The following MAP3K9 variants were observed in gnomAD, a reference collection of about 807,000 sequenced individuals.
MAP3K9 encodes the protein mitogen-activated protein kinase kinase kinase 9, also known as mixed lineage kinase 1 (tyr and ser/thr specificity).
A neutral mutation model predicts 95.8 loss-of-function variants in MAP3K9; 46 were observed. That is an observed-to-expected ratio of 0.48 (90% CI 0.38 to 0.61). MAP3K9 has a LOEUF of 0.61. MAP3K9 is among the 20% of genes least tolerant of loss of function. The pLI is 0.00. For missense variants in MAP3K9, 1,296 were observed against 1,474.3 expected (o/e 0.88, Z 1.98); for synonymous variants, 533 against 593.8 (o/e 0.90, Z 1.49).
intron 2 of MAP3K9, among the ~76,000 whole-genome samples, chr14:70,778,057 C>A (rs977289265): frequency 6.6e-6 from 1 of 151,538 alleles, no homozygotes; most frequent in Non-Finnish European, 1.5e-5. Flanking sequence ...TAGGACGGAA[C>A]CTCTCTCTCT....
intron 2 of MAP3K9, among the ~76,000 whole-genome samples, chr14:70,769,162 T>A (rs1468513355): frequency 6.6e-6 from 1 of 152,056 alleles, no homozygotes; most frequent in African/African-American, 2.4e-5. Context: ...AGCACCACCA[T>A]GTTTGTGCCT....
chr14:70,791,246 G>C (rs1227322031), intron 2 of MAP3K9, among the ~76,000 whole-genome samples: 1 of 152,116 alleles, frequency 6.6e-6, no homozygotes, highest in East Asian at 1.9e-4. Context: ...CCTCACCAAG[G>C]CTGTTTTCTG....
chr14:70,760,985 G>T lies in MAP3K9; in HGVS notation c.1001+17C>A. On this transcript the variant is annotated intron_variant, in intron 3 of 11. Transcript: ENST00000554752. ...GATGGACCTAGGAAATGCTGTCCCT[G>T]CCCCCCTGGACCTTACCTCCACACA... 6.2e-7 allele frequency: 1 copy of T among 1,610,264 alleles called. No individual in the cohort carries two copies.
intron 2 of MAP3K9, among the ~76,000 whole-genome samples, chr14:70,765,749 A>C (rs76409325): frequency 3.7e-4 from 8 of 21,472 alleles, no homozygotes; most frequent in East Asian, 7.8e-4. Flanking sequence ...AAAAAAAAAA[A>C]ACAAAAAAAA....
chr14:70,776,547 AC>A (rs2054601680), intron 2 of MAP3K9, among the ~76,000 whole-genome samples: 2 of 152,212 alleles, frequency 1.3e-5, no homozygotes, highest in Non-Finnish European at 2.9e-5. Flanking sequence ...AGAGCTAGGA[AC>A]CAAAAACTTA....
chr14:70,760,915 T>C, intron 3 of MAP3K9, 87 bp downstream of exon 3: 1 of 1,444,366 alleles, frequency 6.9e-7, no homozygotes, highest in South Asian at 1.3e-5. Flanking sequence ...CCTGGGATCC[T>C]AGGTAACCTC....
At chr14:70,790,055 GACTA>G (rs1439653034) in intron 2 of MAP3K9, among the ~76,000 whole-genome samples, 2 of 152,266 alleles carry the variant, frequency 1.3e-5, no homozygotes, top group Non-Finnish European at 2.9e-5. Flanking sequence ...AGTAGCAGGC[GACTA>G]ACTGTGTCCT....
intron 3 of MAP3K9, among the ~76,000 whole-genome samples, chr14:70,760,678 C>T (rs867057075): frequency 2.0e-4 from 31 of 152,066 alleles, no homozygotes; most frequent in African/African-American, 2.7e-4. Context: ...CGAAGCTCTC[C>T]GAGAAGGACC....
intron 2 of MAP3K9, chr14:70,783,502 A>G (rs761325211): frequency 1.5e-5 from 11 of 749,906 alleles, no homozygotes; most frequent in African/African-American, 3.8e-5. Context: ...ACAAAGCTCT[A>G]AAGTTCCAGG....
chr14:70,774,679 A>G (rs548589248), intron 2 of MAP3K9, among the ~76,000 whole-genome samples: 8 of 140,984 alleles, frequency 5.7e-5, no homozygotes, highest in African/African-American at 2.2e-4. Context: ...AAAAACAAAC[A>G]ACAACAACAA....
At chr14:70,767,383 CAAAAAAAAAAAAA>C (rs67534847) in intron 2 of MAP3K9, among the ~76,000 whole-genome samples, 1 of 65,328 alleles carries the variant, frequency 1.5e-5, no homozygotes, top group Non-Finnish European at 2.9e-5. Flanking sequence ...CACTCAGTCT[CAAAAAAAAAAAAA>C]AAAAAAAAAA....
At chr14:70,734,272 A>G (rs2053953370) in intron 10 of MAP3K9, 114 bp downstream of exon 10, 18 of 750,776 alleles carry the variant, frequency 2.4e-5, no homozygotes, top group Non-Finnish European at 2.6e-5. Context: ...AACATTCCCA[A>G]TGTTTCCTCC....
At chr14:70,787,507 CAAA>C (rs66469021) in intron 2 of MAP3K9, among the ~76,000 whole-genome samples, 23 of 126,172 alleles carry the variant, frequency 1.8e-4, no homozygotes, top group Admixed American at 4.0e-4. Flanking sequence ...GACTCTGTCT[CAAA>C]AAAAAAAAAA....
chr14:70,732,422 G>A lies in MAP3K9; in HGVS notation c.2830+117C>T, dbSNP rs114526689. 9.1e-4 allele frequency: 1,276 copies of A among 1,406,414 alleles called. 7 individuals carry two copies. The African/African-American group carries it at 0.017, about 19-fold the overall frequency. The allele number at this position is 1,406,414 out of a possible 1,614,324, so 87.1% of individuals were successfully genotyped here. A position where few individuals can be genotyped will look rare whatever the true frequency, so the allele number is the denominator to read the frequency against. On this transcript the variant is annotated intron_variant, in intron 11 of 11. Transcript: ENST00000554752. ...AGATCTGTATTTCTTGATTGGCTAA[G>A]AGGAGGAATGGTGTTCACTCAAATC...
At chr14:70,802,154 C>G (rs1307507419) in intron 1 of MAP3K9, among the ~76,000 whole-genome samples, 2 of 152,290 alleles carry the variant, frequency 1.3e-5, no homozygotes, top group East Asian at 3.9e-4. Flanking sequence ...AAAAGGACCC[C>G]CTAAGGAGGC....
In MAP3K9 at chr14:70,739,980, C is replaced by T. The variant is rs754764921; in HGVS notation, c.1690+62G>A. 5 of 1,614,170 alleles carry T rather than the reference C, an allele frequency of 3.1e-6. No homozygotes were observed. The East Asian group carries it at 6.7e-5, about 22-fold the overall frequency. On this transcript the variant is annotated intron_variant, in intron 7 of 11. Transcript: ENST00000554752. The stretch of plus-strand genomic sequence containing the variant: ...AAGCCTGGACCAGTCGGTGGCTGGA[C>T]AGAGCAGGGGACAGGTGCCCCTGTG...
chr14:70,791,807 G>A (rs964738238), intron 2 of MAP3K9, among the ~76,000 whole-genome samples: 1 of 152,194 alleles, frequency 6.6e-6, no homozygotes, highest in Non-Finnish European at 1.5e-5. Context: ...TTTTGATCAA[G>A]GTCTTTCCCC....
Position 70,728,326 on chromosome 14 carries a change from G to A in MAP3K9, c.*2054C>T, listed in dbSNP as rs1478902147. The A allele has an allele frequency of 6.6e-6, 1 of 152,000 alleles. No homozygotes were observed. The highest frequency in any genetic ancestry group is 1.5e-5 in the Non-Finnish European group (1 of 68,042). The allele number at this position is 152,000 out of a possible 1,614,324, so 9.4% of individuals were successfully genotyped here. Reference sequence around the variant, plus strand: ...TTTAGTAGAGACAGGATATCTCCATGTTGGTCAGGCTGGTCTCGAACTCCC... The same window carrying A: ...TTTAGTAGAGACAGGATATCTCCATATTGGTCAGGCTGGTCTCGAACTCCC... On this transcript the variant is annotated 3_prime_UTR_variant, in exon 12 of 12. Transcript: ENST00000554752.
intron 9 of MAP3K9, among the ~76,000 whole-genome samples, chr14:70,734,912 G>A (rs761262356): frequency 7.2e-5 from 11 of 152,396 alleles, no homozygotes; most frequent in Non-Finnish European, 1.6e-4. Context: ...AGCCAGGCAA[G>A]CACCGGGCAG....
Sources: gnomAD v4.1 joint callset for allele counts (sites outside exome capture counted in the v4.1 genomes callset) on GRCh38, gnomAD v4.1.1 for gene constraint, MANE v1.5 for transcripts, NCBI Gene and HGNC (gene_info 2026-07-23, HGNC 2026-07-21) for gene names.